The following ANKRD6 variants were observed in gnomAD, a reference collection of about 807,000 sequenced individuals.
ANKRD6 encodes the protein ankyrin repeat domain 6, also known as ankyrin repeat domain-containing protein 6.
In ANKRD6, 56 loss-of-function variants were observed where a neutral mutation model predicts 82.3. The observed-to-expected ratio is 0.68, with a 90% CI of 0.55 to 0.85. The LOEUF (loss-of-function observed/expected upper bound fraction) is 0.85, where lower values mean the gene tolerates loss of function less well. Ranked by LOEUF, ANKRD6 falls within the 40% of genes least tolerant of loss-of-function variation. ANKRD6 has a pLI of 0.00. For missense variants in ANKRD6, 852 were observed against 907.6 expected, an observed-to-expected ratio of 0.94 and a Z score of 0.79; for synonymous variants, 347 against 352.1, an observed-to-expected ratio of 0.99 and a Z score of 0.16.
intron 1 of ANKRD6, among the ~76,000 whole-genome samples, chr6:89,559,583 T>C (rs1199429545): frequency 1.3e-5 from 2 of 152,196 alleles, no homozygotes; most frequent in East Asian, 1.9e-4. Flanking sequence ...GTACATAGAA[T>C]TGGTTTTATT....
At chr6:89,553,220 C>T (rs1170930960) in intron 1 of ANKRD6, among the ~76,000 whole-genome samples, 1 of 152,154 alleles carries the variant, frequency 6.6e-6, no homozygotes, top group South Asian at 2.1e-4. Flanking sequence ...TAAAATGGGA[C>T]TCCTGGAATG....
rs1375341795 is a variant in ANKRD6 at position 89,567,039 on chromosome 6, C to G, written c.63C>G (p.Gly21=). 6.2e-7 allele frequency: 1 copy of G among 1,607,442 alleles called. No homozygotes were observed. Among genetic ancestry groups the G allele is most frequent in the African/African-American group, 1.3e-5 (1 of 74,816 alleles). Residue 21 remains glycine, a synonymous_variant, in exon 2 of 16, where the codon GGC becomes GGG. Coordinates refer to ENST00000339746, the MANE Select transcript of ANKRD6 (RefSeq NM_001242809.2). ...SERLLVAAYK[G]QTENVVQLIN... is the part of the protein sequence containing the mutation. ...GCCTTCTCGTAGCTGCGTACAAAGGCCAAACAGAGAATGTGGTTCAGCTCA... is the reference window on the plus strand; with the variant it reads ...GCCTTCTCGTAGCTGCGTACAAAGGGCAAACAGAGAATGTGGTTCAGCTCA...
At position 89,608,698 on chromosome 6, in the gene ANKRD6, C is replaced by T. The variant is rs75154174; in HGVS notation, c.417+2593C>T. Among the ~76,000 whole-genome samples, 577 of 152,200 alleles carry T rather than the reference C, an allele frequency of 3.8e-3. 3 individuals carry two copies. Among genetic ancestry groups the T allele is most frequent in the African/African-American group, 0.013 (556 of 41,506 alleles). On this transcript the variant is annotated intron_variant, in intron 5 of 15. Transcript: ENST00000339746. ...GAGAGCATAGTTAAGCAAGCCATGC[C>T]TTCGTCATTTTCATCCGTCTCCCCT...
intron 1 of ANKRD6, among the ~76,000 whole-genome samples, chr6:89,512,197 C>A (rs1177943825): frequency 1.3e-5 from 2 of 152,148 alleles, no homozygotes; most frequent in African/African-American, 2.4e-5. Flanking sequence ...GATAGACTTC[C>A]ATGCATAGAT....
intron 1 of ANKRD6, among the ~76,000 whole-genome samples, chr6:89,500,595 A>C (rs960439325): frequency 1.3e-5 from 2 of 152,190 alleles, no homozygotes; most frequent in African/African-American, 4.8e-5. Context: ...TAAGCCATTG[A>C]ATTTCTGAGA....
chr6:89,502,761 C>A (rs1475926297), intron 1 of ANKRD6, among the ~76,000 whole-genome samples: 1 of 152,108 alleles, frequency 6.6e-6, no homozygotes, highest in African/African-American at 2.4e-5. Flanking sequence ...AAATGTAGTA[C>A]TTACAGTGGC....
chr6:89,442,538 G>A (rs764663904), intron 1 of ANKRD6, among the ~76,000 whole-genome samples: 18 of 150,600 alleles, frequency 1.2e-4, no homozygotes, highest in Admixed American at 3.3e-4. Flanking sequence ...TAAGAGGATC[G>A]CTTGAGCCTG....
chr6:89,528,236 A>T (rs1179391621), intron 1 of ANKRD6, among the ~76,000 whole-genome samples: 1 of 152,244 alleles, frequency 6.6e-6, no homozygotes, highest in Non-Finnish European at 1.5e-5. Flanking sequence ...ACTTCTTTCA[A>T]AATTGGAGTC....
Position 89,623,521 on chromosome 6 carries a change from A to C in ANKRD6, c.1009A>C (p.Arg337=), listed in dbSNP as rs112940177. 555 of 1,587,458 alleles carry C rather than the reference A, an allele frequency of 3.5e-4. 2 individuals carry two copies. In the African/African-American group the frequency reaches 6.7e-3, roughly 19 times the overall value. The part of the protein sequence containing the change: ...ASPEPRAKDD[R]RRKSRPKVSA... ...CCCAGAACCCAGAGCAAAGGATGAC[A>C]GGAGGAGAAAGTCAAGGCCCAAGGT... The change falls in exon 11 of 16, where the codon AGG becomes CGG. Residue 337 remains arginine, a synonymous_variant. Coordinates refer to ENST00000339746, the MANE Select transcript of ANKRD6 (RefSeq NM_001242809.2).
intron 1 of ANKRD6, among the ~76,000 whole-genome samples, chr6:89,470,172 A>T (rs1022003202): frequency 1.3e-5 from 2 of 152,216 alleles, no homozygotes; most frequent in African/African-American, 4.8e-5. Context: ...ACAATTTTGT[A>T]TCAATGAAAT....
At chr6:89,480,126 A>C (rs1366917690) in intron 1 of ANKRD6, among the ~76,000 whole-genome samples, 1 of 152,178 alleles carries the variant, frequency 6.6e-6, no homozygotes, top group African/African-American at 2.4e-5. Context: ...GTTTCTCACC[A>C]GCTGGTGTGT....
At chr6:89,471,576 G>A (rs1439162006) in intron 1 of ANKRD6, among the ~76,000 whole-genome samples, 3 of 151,024 alleles carry the variant, frequency 2.0e-5, no homozygotes, top group Admixed American at 1.3e-4. Flanking sequence ...AAGAGTGGCC[G>A]GAAAGTTAGG....
At chr6:89,625,440 A>G (rs1805311755) in intron 13 of ANKRD6, among the ~76,000 whole-genome samples, 1 of 152,192 alleles carries the variant, frequency 6.6e-6, no homozygotes, top group Non-Finnish European at 1.5e-5. Flanking sequence ...AAGTTTTCAA[A>G]CATACAGAAA....
At chr6:89,508,831 T>C (rs1780185129) in intron 1 of ANKRD6, 1 of 152,236 alleles carries the variant, frequency 6.6e-6, no homozygotes, top group African/African-American at 2.4e-5. Flanking sequence ...TTTGTATTCC[T>C]GTTCCTGACC....
chr6:89,448,832 C>G (rs1772426794), intron 1 of ANKRD6, among the ~76,000 whole-genome samples: 1 of 151,914 alleles, frequency 6.6e-6, no homozygotes, highest in East Asian at 1.9e-4. Flanking sequence ...AGATCGAGAC[C>G]ATCTTGGCTA....
At chr6:89,575,899 A>C (rs969720514) in intron 2 of ANKRD6, among the ~76,000 whole-genome samples, 7 of 152,162 alleles carry the variant, frequency 4.6e-5, no homozygotes, top group Admixed American at 3.9e-4. Flanking sequence ...GTTGTCCACT[A>C]AGTAAGGATG....
At chr6:89,578,540 C>T (rs1791718581) in intron 2 of ANKRD6, among the ~76,000 whole-genome samples, 1 of 152,138 alleles carries the variant, frequency 6.6e-6, no homozygotes, top group South Asian at 2.1e-4. Context: ...AAGTGATCTG[C>T]CCGCCTTGGC....
intron 5 of ANKRD6, among the ~76,000 whole-genome samples, chr6:89,609,939 T>C (rs1038715884): frequency 2.0e-5 from 3 of 152,124 alleles, no homozygotes; most frequent in African/African-American, 7.2e-5. Flanking sequence ...ATAAAATGGC[T>C]TCAGAAGGAC....
At chr6:89,500,653 A>C (rs188530412) in intron 1 of ANKRD6, among the ~76,000 whole-genome samples, 1 of 152,304 alleles carries the variant, frequency 6.6e-6, no homozygotes, top group East Asian at 1.9e-4. Context: ...CCCTCCTCCC[A>C]GGTCCCTAAT....
Sources: gnomAD v4.1 joint callset for allele counts (sites outside exome capture counted in the v4.1 genomes callset) on GRCh38, gnomAD v4.1.1 for gene constraint, MANE v1.5 for transcripts, NCBI Gene and HGNC (gene_info 2026-07-23, HGNC 2026-07-21) for gene names.